RSU1: variants seen among roughly 807,000 people sequenced by gnomAD.
RSU1 encodes the protein Ras suppressor protein 1.
In RSU1, 26 loss-of-function variants were observed where a neutral mutation model predicts 31.1. That is an observed-to-expected ratio of 0.84 (90% CI 0.61 to 1.16). RSU1 has a LOEUF of 1.16. Ranked by LOEUF, RSU1 falls within the 50% of genes most tolerant of loss-of-function variation. The pLI is 0.00. For missense variants in RSU1, 320 were observed against 339.1 expected (o/e 0.94, Z 0.44); for synonymous variants, 164 against 136.3 (o/e 1.20, Z -1.41).
intron 4 of RSU1, among the ~76,000 whole-genome samples, chr10:16,760,336 G>C (rs1266732962): frequency 1.3e-5 from 2 of 151,788 alleles, no homozygotes; most frequent in East Asian, 3.9e-4. Context: ...ATGGTGAAAC[G>C]CCATCTCTAC....
chr10:16,795,830 C>G (rs7098103), intron 2 of RSU1, among the ~76,000 whole-genome samples: 35,646 of 152,012 alleles, frequency 0.23, 4,456 homozygotes, highest in African/African-American at 0.31. Context: ...TTCAACCCCC[C>G]GGACCCCTAA....
At chr10:16,598,915 T>C (rs1833666917) in intron 8 of RSU1, among the ~76,000 whole-genome samples, 1 of 152,156 alleles carries the variant, frequency 6.6e-6, no homozygotes, top group South Asian at 2.1e-4. Context: ...AATGAGTTTC[T>C]GGGATAAATT....
rs1373992932 is a variant in RSU1, at chr10:16,751,468, G to C, written c.598+1071C>G. 3.9e-5 allele frequency among the ~76,000 whole-genome samples: 6 copies of C among 152,186 alleles called. No individual in the cohort carries two copies. The East Asian group carries it at 9.6e-4, about 24-fold the overall frequency. On this transcript the variant is annotated intron_variant, in intron 7 of 8. Coordinates refer to ENST00000345264, the MANE Select transcript of RSU1 (RefSeq NM_012425.4). ...GGCTGCCAACAGAACTCAAGGTGCT[G>C]ATAGGCGTGCTCTGTGTCTCAGTCT...
At chr10:16,606,732 T>C (rs1255923067) in intron 8 of RSU1, among the ~76,000 whole-genome samples, 1 of 152,214 alleles carries the variant, frequency 6.6e-6, no homozygotes, top group Non-Finnish European at 1.5e-5. Context: ...GTAGTGACAT[T>C]ACACAGATCT....
intron 7 of RSU1, among the ~76,000 whole-genome samples, chr10:16,702,120 G>T (rs967488474): frequency 6.6e-6 from 1 of 152,204 alleles, no homozygotes; most frequent in African/African-American, 2.4e-5. Flanking sequence ...ACTGACTTGG[G>T]CAAATCCCAG....
At chr10:16,723,029 T>C (rs917039981) in intron 7 of RSU1, 3 of 150,918 alleles carry the variant, frequency 2.0e-5, no homozygotes, top group African/African-American at 7.3e-5. Flanking sequence ...CACATATATG[T>C]ATATGTATAT....
intron 8 of RSU1, among the ~76,000 whole-genome samples, chr10:16,694,409 G>A (rs1275659588): frequency 6.6e-6 from 1 of 151,702 alleles, no homozygotes; most frequent in Non-Finnish European, 1.5e-5. Context: ...ATTCACAGAA[G>A]AAAAAAAATA....
intron 8 of RSU1, among the ~76,000 whole-genome samples, chr10:16,632,359 T>C (rs958573604): frequency 3.9e-5 from 6 of 152,162 alleles, no homozygotes; most frequent in Admixed American, 6.5e-5. Flanking sequence ...AACTCTTTGA[T>C]TGGGACTCCG....
intron 3 of RSU1, chr10:16,767,375 G>C (rs1837334296): frequency 6.6e-6 from 1 of 152,182 alleles, no homozygotes; most frequent in African/African-American, 2.4e-5. Flanking sequence ...GACAGGATGA[G>C]AGATTATTTC....
chr10:16,658,749 T>C (rs1834834261), intron 8 of RSU1, among the ~76,000 whole-genome samples: 1 of 151,968 alleles, frequency 6.6e-6, no homozygotes, highest in Non-Finnish European at 1.5e-5. Flanking sequence ...ATAAAAATAT[T>C]TTGGTGCTCG....
chr10:16,658,682 C>G (rs892200094), intron 8 of RSU1, among the ~76,000 whole-genome samples: 2 of 152,130 alleles, frequency 1.3e-5, no homozygotes, highest in African/African-American at 2.4e-5. Flanking sequence ...TGAGATCGCG[C>G]CACTGACCTC....
chr10:16,645,238 A>G (rs1834516008), intron 8 of RSU1, among the ~76,000 whole-genome samples: 1 of 152,186 alleles, frequency 6.6e-6, no homozygotes, highest in African/African-American at 2.4e-5. Flanking sequence ...CTCATCTTTT[A>G]AACCATATCT....
intron 7 of RSU1, among the ~76,000 whole-genome samples, chr10:16,717,502 G>C (rs1201630187): frequency 1.3e-5 from 2 of 152,012 alleles, no homozygotes; most frequent in South Asian, 4.1e-4. Flanking sequence ...TATTTCAGAA[G>C]AAACAATGAA....
intron 8 of RSU1, among the ~76,000 whole-genome samples, chr10:16,645,901 C>T (rs200070117): frequency 0.35 from 17,342 of 49,584 alleles, 4,620 homozygotes; most frequent in African/African-American, 0.5. Flanking sequence ...TATGTATATA[C>T]ACATATATGT....
At chr10:16,802,687 C>T (rs1348266341) in intron 2 of RSU1, among the ~76,000 whole-genome samples, 1 of 151,936 alleles carries the variant, frequency 6.6e-6, no homozygotes, top group Admixed American at 6.6e-5. Flanking sequence ...TAAGAGTACA[C>T]ACAATGACCA....
intron 8 of RSU1, among the ~76,000 whole-genome samples, chr10:16,665,344 G>A (rs1373461051): frequency 6.6e-6 from 1 of 152,072 alleles, no homozygotes; most frequent in African/African-American, 2.4e-5. Flanking sequence ...TGAGATAACT[G>A]GTGCTCAGAA....
rs933754336 is a variant in RSU1 at position 16,737,458 on chromosome 10, T to TA, written c.598+15080dup. Among the ~76,000 whole-genome samples the TA allele has an allele frequency of 6.3e-4, 93 of 148,178 alleles. 1 individual carries two copies. Among genetic ancestry groups the TA allele is most frequent in the Admixed American group, 2.3e-3 (34 of 14,980 alleles). On this transcript the variant is annotated intron_variant, in intron 7 of 8. Coordinates refer to ENST00000345264, the MANE Select transcript of RSU1 (RefSeq NM_012425.4). ...AAACACCCTTGAAGCAAGGTAGAAG[T>TA]AAAAAAAATAAAAAACCTGTCAACC...
chr10:16,615,759 T>C (rs1833964956), intron 8 of RSU1, among the ~76,000 whole-genome samples: 1 of 152,166 alleles, frequency 6.6e-6, no homozygotes, highest in Non-Finnish European at 1.5e-5. Context: ...AAACTGAACC[T>C]GCTCCAGAAA....
At position 16,693,022 on chromosome 10, in the gene RSU1, G is replaced by C. The variant is rs538622011; in HGVS notation, c.731+2001C>G. ...CTGTCGCCCAGGCTGGAGTGCAGTG[G>C]CACGATCTCAGCTCACTGCAACCTC... is the stretch of plus-strand genomic sequence containing the variant. On this transcript the variant is annotated intron_variant, in intron 8 of 8. Coordinates refer to ENST00000345264, the MANE Select transcript of RSU1 (RefSeq NM_012425.4). Among the ~76,000 whole-genome samples, 12 of 152,278 alleles carry C rather than the reference G, an allele frequency of 7.9e-5. 1 individual carries two copies. The South Asian group carries it at 2.5e-3, about 32-fold the overall frequency.
Sources: allele counts gnomAD v4.1 joint callset (sites outside exome capture counted in the v4.1 genomes callset), GRCh38; gene constraint gnomAD v4.1.1; transcripts MANE v1.5; gene names NCBI Gene and HGNC (gene_info 2026-07-23, HGNC 2026-07-21).